TXLNB: variants seen among roughly 807,000 people sequenced by gnomAD.
The protein encoded by TXLNB is taxilin beta.
In TXLNB, 37 loss-of-function variants were observed where a neutral mutation model predicts 57.4. That is an observed-to-expected ratio of 0.64 (90% CI 0.50 to 0.85). The LOEUF (loss-of-function observed/expected upper bound fraction) is 0.85, where lower values mean the gene tolerates loss of function less well. Among genes scored for constraint, TXLNB ranks in the 40% least tolerant of loss-of-function variants. The probability of loss-of-function intolerance (pLI) is 0.00; values close to 1 mark genes in which losing one functional copy is unlikely to be tolerated. For synonymous variants in TXLNB, 302 were observed against 309.6 expected, an observed-to-expected ratio of 0.98 and a Z score of 0.26; for missense variants, 848 against 825.6, an observed-to-expected ratio of 1.03 and a Z score of -0.33.
chr6:139,245,312 A>G (rs1389884683), intron 8 of TXLNB: 1 of 152,348 alleles, frequency 6.6e-6, no homozygotes, highest in Non-Finnish European at 1.5e-5. Flanking sequence ...AATTAACAGA[A>G]CAGTGGGGCT....
chr6:139,253,321 G>A (rs1776256498), intron 7 of TXLNB, among the ~76,000 whole-genome samples: 2 of 152,094 alleles, frequency 1.3e-5, no homozygotes, highest in Non-Finnish European at 2.9e-5. Flanking sequence ...TTAAACATAG[G>A]CATAATTTCC....
downstream of TXLNB, chr6:139,238,933 C>T (rs1006781057): frequency 6.6e-6 from 1 of 152,190 alleles, no homozygotes; most frequent in Non-Finnish European, 1.5e-5. Flanking sequence ...AAACCATCTG[C>T]CTCTCCTGTT....
chr6:139,163,416 A>G, the TXLNB span, among the ~76,000 whole-genome samples: 107,483 of 150,588 alleles, frequency 0.71, 39,574 homozygotes, highest in African/African-American at 0.86. Flanking sequence ...GTGCAGTGGC[A>G]CAATCTCTAC....
chr6:139,172,719 C>A, the TXLNB span, among the ~76,000 whole-genome samples: 2 of 152,082 alleles, frequency 1.3e-5, no homozygotes, highest in African/African-American at 2.4e-5. Flanking sequence ...GTTACGGATC[C>A]GAGAGACATG....
At chr6:139,253,271 A>T (rs1269743559) in intron 7 of TXLNB, among the ~76,000 whole-genome samples, 1 of 152,220 alleles carries the variant, frequency 6.6e-6, no homozygotes, top group Admixed American at 6.5e-5. Flanking sequence ...AACCAACTAC[A>T]TATATTACAT....
At chr6:139,298,973 C>G in the TXLNB span, among the ~76,000 whole-genome samples, 2 of 152,240 alleles carry the variant, frequency 1.3e-5, no homozygotes, top group African/African-American at 4.8e-5. Context: ...CCTTCACCTT[C>G]CACCATGAGT....
chr6:139,254,315 T>TTGTG (rs60108019), intron 7 of TXLNB, among the ~76,000 whole-genome samples: 4,812 of 150,086 alleles, frequency 0.032, 148 homozygotes, highest in African/African-American at 0.081. Context: ...TGAACACGAT[T>TTGTG]TGTGTGTGTG....
At chr6:139,172,266 A>C in the TXLNB span, among the ~76,000 whole-genome samples, 1 of 152,144 alleles carries the variant, frequency 6.6e-6, no homozygotes, top group South Asian at 2.1e-4. Context: ...GCCTAGCCTG[A>C]TCATGTGTTT....
At chr6:139,288,163 G>A (rs905515381) in intron 2 of TXLNB, among the ~76,000 whole-genome samples, 1 of 152,230 alleles carries the variant, frequency 6.6e-6, no homozygotes, top group Admixed American at 6.5e-5. Flanking sequence ...TTGTAGGGTA[G>A]AGTAATCTGA....
At chr6:139,270,341 G>A (rs964459579) in intron 4 of TXLNB, 115 bp downstream of exon 4, 14 of 979,102 alleles carry the variant, frequency 1.4e-5, no homozygotes, top group Non-Finnish European at 1.9e-5. Context: ...GGCAGAGGCA[G>A]TATTTGAACC....
At chr6:139,270,428 T>G (rs1776729026) in intron 4 of TXLNB, 28 bp downstream of exon 4, 2 of 1,589,640 alleles carry the variant, frequency 1.3e-6, no homozygotes, top group Non-Finnish European at 1.7e-6. Flanking sequence ...TTCAAGAAAT[T>G]ATGTTATTCT....
At chr6:139,204,938 C>T in the TXLNB span, among the ~76,000 whole-genome samples, 1 of 152,186 alleles carries the variant, frequency 6.6e-6, no homozygotes, top group African/African-American at 2.4e-5. Flanking sequence ...CCCCCCATCC[C>T]CACAGTGGCT....
rs975393567 is a variant in TXLNB, at chr6:139,257,117, G to T, written c.1003-1479C>A. Among the ~76,000 whole-genome samples, 4 of 152,170 alleles carry T rather than the reference G, an allele frequency of 2.6e-5. No homozygotes were observed. The South Asian group carries it at 8.3e-4, about 32-fold the overall frequency. ...GGATCTTCTGATTAGAGTTCAGAGG[G>T]TTTTTTGTTTGGTTTTTATTATTAT... On this transcript the variant is annotated intron_variant, in intron 6 of 9. Transcript: ENST00000358430.
At chr6:139,320,641 A>ATTT in the TXLNB span, among the ~76,000 whole-genome samples, 1 of 147,212 alleles carries the variant, frequency 6.8e-6, no homozygotes, top group African/African-American at 2.5e-5. Context: ...ATATAATCTC[A>ATTT]TTTTTTTTTT....
chr6:139,197,475 T>G, the TXLNB span, among the ~76,000 whole-genome samples: 1 of 152,200 alleles, frequency 6.6e-6, no homozygotes, highest in Non-Finnish European at 1.5e-5. Context: ...CATCTTTCAC[T>G]AGTTGGAGGT....
chr6:139,165,784 C>T, the TXLNB span, among the ~76,000 whole-genome samples: 5 of 117,030 alleles, frequency 4.3e-5, no homozygotes, highest in East Asian at 7.9e-4. Flanking sequence ...TTCTGGGAAC[C>T]GGCTTGGCTG....
chr6:139,316,689 AT>A, the TXLNB span, among the ~76,000 whole-genome samples: 1 of 152,212 alleles, frequency 6.6e-6, no homozygotes, highest in Non-Finnish European at 1.5e-5. Context: ...TGTAAAAAGT[AT>A]TTTTTAAAAA....
At chr6:139,193,804 C>G in the TXLNB span, among the ~76,000 whole-genome samples, 2 of 146,290 alleles carry the variant, frequency 1.4e-5, no homozygotes, top group Non-Finnish European at 3.0e-5. Context: ...CAGGTGCACA[C>G]CACCATGCCT....
chr6:139,199,014 C>A, the TXLNB span, among the ~76,000 whole-genome samples: 1 of 150,888 alleles, frequency 6.6e-6, no homozygotes, highest in African/African-American at 2.4e-5. Context: ...TGTCAATGTG[C>A]CATCTCTTTC....
Sources: allele counts gnomAD v4.1 joint callset (sites outside exome capture counted in the v4.1 genomes callset), GRCh38; gene constraint gnomAD v4.1.1; transcripts MANE v1.5; gene names NCBI Gene and HGNC (gene_info 2026-07-23, HGNC 2026-07-21).